Variants in DAPK1 observed in about 807,000 individuals in gnomAD.
DAPK1 encodes the protein death-associated protein kinase 1.
DAPK1 carries 56 observed loss-of-function variants against 144.9 expected under a neutral mutation model. The observed-to-expected ratio is 0.39, with a 90% CI of 0.31 to 0.48. The LOEUF is 0.48. DAPK1 is among the 20% of genes least tolerant of loss of function. The pLI, the probability that DAPK1 is intolerant of heterozygous loss-of-function variation, is 0.95. For synonymous variants in DAPK1, 690 were observed against 749.0 expected, an observed-to-expected ratio of 0.92 and a Z score of 1.29; for missense variants, 1,454 against 1,875.4, an observed-to-expected ratio of 0.78 and a Z score of 4.15.
At chr9:87,511,668 T>TTGTGTGTGTGTGTGTGTGTGTGTGTG (rs59377718) in intron 2 of DAPK1, among the ~76,000 whole-genome samples, 2 of 140,638 alleles carry the variant, frequency 1.4e-5, no homozygotes, top group Non-Finnish European at 3.1e-5. Context: ...TCTTTTTCTT[T>TTGTGTGTGTGTGTGTGTGTGTGTGTG]TGTGTGTGTG....
chr9:87,503,860 A>G (rs1307133333), intron 2 of DAPK1, among the ~76,000 whole-genome samples: 2 of 152,262 alleles, frequency 1.3e-5, no homozygotes, highest in African/African-American at 4.8e-5. Context: ...GAAGTGGAGC[A>G]TTAAATATTT....
intron 2 of DAPK1, among the ~76,000 whole-genome samples, chr9:87,577,341 C>T (rs1267693915): frequency 6.6e-6 from 1 of 152,208 alleles, no homozygotes; most frequent in Non-Finnish European, 1.5e-5. Context: ...TGAATGAGTG[C>T]TAACATCTGA....
intron 2 of DAPK1, among the ~76,000 whole-genome samples, chr9:87,555,340 T>G (rs970477506): frequency 2.6e-5 from 4 of 152,122 alleles, no homozygotes; most frequent in African/African-American, 7.2e-5. Flanking sequence ...CTGCCCTCCC[T>G]TTTGCCTTCT....
intron 3 of DAPK1, among the ~76,000 whole-genome samples, chr9:87,627,089 G>A (rs1343841091): frequency 1.3e-5 from 2 of 152,144 alleles, no homozygotes; most frequent in Non-Finnish European, 1.5e-5. Context: ...AAACAGAACA[G>A]TGGCTGTAAA....
chr9:87,673,506 G>T (rs77806145), intron 19 of DAPK1, among the ~76,000 whole-genome samples: 4,090 of 152,252 alleles, frequency 0.027, 178 homozygotes, highest in African/African-American at 0.093. Flanking sequence ...AAGATGTGCA[G>T]GGGAGAGGGA....
intron 2 of DAPK1, among the ~76,000 whole-genome samples, chr9:87,513,319 A>T (rs968886716): frequency 4.6e-5 from 7 of 152,246 alleles, no homozygotes; most frequent in African/African-American, 1.7e-4. Context: ...AACCAACAGT[A>T]TTGGAAAGCC....
At chr9:87,630,990 G>C (rs189892957) in intron 3 of DAPK1, among the ~76,000 whole-genome samples, 167 of 152,294 alleles carry the variant, frequency 1.1e-3, no homozygotes, top group Admixed American at 2.0e-3. Context: ...GAGGTCCAGA[G>C]AGGTGATATG....
chr9:87,553,228 C>G (rs1010171611), intron 2 of DAPK1, among the ~76,000 whole-genome samples: 1 of 149,474 alleles, frequency 6.7e-6, no homozygotes, highest in Non-Finnish European at 1.5e-5. Flanking sequence ...TTTTCCTTGA[C>G]TTGTGTCTGT....
intron 2 of DAPK1, among the ~76,000 whole-genome samples, chr9:87,535,341 T>A (rs1361805922): frequency 6.6e-6 from 1 of 152,178 alleles, no homozygotes; most frequent in Non-Finnish European, 1.5e-5. Flanking sequence ...TAGTGTTTTT[T>A]AGATTTATTT....
intron 3 of DAPK1, among the ~76,000 whole-genome samples, chr9:87,614,778 C>T (rs1264100592): frequency 6.6e-6 from 1 of 152,202 alleles, no homozygotes. Context: ...TGCCGCCATC[C>T]TGGCCAGGCA....
chr9:87,608,354 T>C (rs1227298627), intron 3 of DAPK1, among the ~76,000 whole-genome samples: 1 of 152,226 alleles, frequency 6.6e-6, no homozygotes, highest in African/African-American at 2.4e-5. Context: ...TAGTATTTCA[T>C]TGTATGGATT....
chr9:87,539,750 A>G (rs1160753458), intron 2 of DAPK1, among the ~76,000 whole-genome samples: 1 of 151,932 alleles, frequency 6.6e-6, no homozygotes, highest in Admixed American at 6.6e-5. Flanking sequence ...GAGCAATGAA[A>G]TCTCCTGTTG....
chr9:87,531,104 G>A (rs1825682601), intron 2 of DAPK1, among the ~76,000 whole-genome samples: 1 of 152,196 alleles, frequency 6.6e-6, no homozygotes, highest in Admixed American at 6.5e-5. Context: ...GTTAGGGGGA[G>A]AGATCTAGGT....
intron 16 of DAPK1, among the ~76,000 whole-genome samples, chr9:87,651,081 T>A (rs2119179906): frequency 6.6e-6 from 1 of 152,378 alleles, no homozygotes; most frequent in Middle Eastern, 3.4e-3. Flanking sequence ...CTCATTTATA[T>A]GACAGCCCTT....
At chr9:87,531,169 G>A (rs749396353) in intron 2 of DAPK1, among the ~76,000 whole-genome samples, 4 of 152,110 alleles carry the variant, frequency 2.6e-5, no homozygotes, top group Admixed American at 6.5e-5. Context: ...TGCACGCAGT[G>A]GGCTCAGCAA....
intron 2 of DAPK1, among the ~76,000 whole-genome samples, chr9:87,563,291 A>C (rs1826997964): frequency 1.3e-5 from 2 of 152,256 alleles, no homozygotes; most frequent in African/African-American, 4.8e-5. Context: ...ATATGGGAGT[A>C]GCAATTGAGG....
Position 87,622,630 on chromosome 9 carries a change from G to T in DAPK1, c.285-15313G>T, listed in dbSNP as rs114504154. 2.1e-3 allele frequency among the ~76,000 whole-genome samples: 321 copies of T among 152,234 alleles called. 2 individuals carry two copies. The highest frequency in any genetic ancestry group is 7.2e-3 in the African/African-American group (300 of 41,534). ...CTTCCTCAATTTAAGAAAAAAATAG[G>T]CTGGGTGCTGTAGCTCACGCCTGTA... On this transcript the variant is annotated intron_variant, in intron 3 of 25. Transcript: ENST00000408954.
intron 19 of DAPK1, 37 bp downstream of exon 19, chr9:87,668,711 T>G (rs373825565): frequency 1.8e-5 from 16 of 910,460 alleles, no homozygotes; most frequent in Non-Finnish European, 2.8e-5. Context: ...GTTCTCTACC[T>G]GTGTTTATGT....
At chr9:87,506,669 A>G (rs988803024) in intron 2 of DAPK1, among the ~76,000 whole-genome samples, 7 of 152,222 alleles carry the variant, frequency 4.6e-5, no homozygotes, top group Admixed American at 4.6e-4. Flanking sequence ...GGAAGATAAT[A>G]TTTAATTGTT....
Sources: gnomAD v4.1 joint callset for allele counts (sites outside exome capture counted in the v4.1 genomes callset) on GRCh38, gnomAD v4.1.1 for gene constraint, MANE v1.5 for transcripts, NCBI Gene and HGNC (gene_info 2026-07-23, HGNC 2026-07-21) for gene names.